Variants in CCSER1 observed in about 807,000 individuals in gnomAD.
CCSER1 encodes coiled-coil serine rich protein 1, also known as serine-rich coiled-coil domain-containing protein 1.
Under a neutral mutation model 82.0 loss-of-function variants are expected in CCSER1, and 41 were observed. The observed-to-expected ratio is 0.50, with a 90% CI of 0.39 to 0.65. CCSER1 has a LOEUF of 0.65. CCSER1 is among the 30% of genes least tolerant of loss of function. The pLI is 0.00. For missense variants in CCSER1, 1,119 were observed against 1,064.2 expected, an observed-to-expected ratio of 1.05 and a Z score of -0.72; for synonymous variants, 414 against 383.9, an observed-to-expected ratio of 1.08 and a Z score of -0.92.
chr4:91,184,249 C>A (rs1490116461), intron 10 of CCSER1, among the ~76,000 whole-genome samples: 1 of 152,200 alleles, frequency 6.6e-6, no homozygotes, highest in East Asian at 1.9e-4. Flanking sequence ...AATTGTGGGA[C>A]TGTTTAACAT....
At chr4:91,250,237 C>T (rs1020259212) in intron 10 of CCSER1, among the ~76,000 whole-genome samples, 4 of 151,672 alleles carry the variant, frequency 2.6e-5, no homozygotes, top group African/African-American at 9.7e-5. Flanking sequence ...AAAAAAAATG[C>T]AAATTTCTTT....
At chr4:90,931,471 T>G (rs1581123534) in intron 9 of CCSER1, among the ~76,000 whole-genome samples, 2 of 152,162 alleles carry the variant, frequency 1.3e-5, no homozygotes, top group East Asian at 3.8e-4. Context: ...GTATTCAAAT[T>G]AACTCTCAGA....
chr4:91,152,628 A>AT (rs1240536749), intron 10 of CCSER1, among the ~76,000 whole-genome samples: 1 of 152,220 alleles, frequency 6.6e-6, no homozygotes, highest in East Asian at 1.9e-4. Context: ...GGTCTTCACA[A>AT]TTTGGCATGT....
intron 5 of CCSER1, among the ~76,000 whole-genome samples, chr4:90,571,488 G>T (rs6816768): frequency 0.042 from 6,407 of 152,148 alleles, 335 homozygotes; most frequent in African/African-American, 0.12. Flanking sequence ...GAAGATTAAT[G>T]CAGAAACAGA....
Position 91,050,899 on chromosome 4 carries a change from A to G in CCSER1, c.2173-35051A>G, listed in dbSNP as rs559485249. On this transcript the variant is annotated intron_variant, in intron 9 of 10. Coordinates refer to ENST00000509176, the MANE Select transcript of CCSER1 (RefSeq NM_001145065.2). Reference sequence around the variant, plus strand: ...CGTTGAAAACAGACAAGAAATTTGGAATACCCTCTGTATTATTCTCATTTT... The same window carrying G: ...CGTTGAAAACAGACAAGAAATTTGGGATACCCTCTGTATTATTCTCATTTT... 3.9e-5 allele frequency among the ~76,000 whole-genome samples: 6 copies of G among 152,302 alleles called. No individual in the cohort carries two copies. In the East Asian group the frequency reaches 1.2e-3, roughly 29 times the overall value.
chr4:91,050,430 C>A (rs1189549322), intron 9 of CCSER1, among the ~76,000 whole-genome samples: 202 of 140,878 alleles, frequency 1.4e-3, no homozygotes, highest in Admixed American at 1.5e-3. Flanking sequence ...GACTCTGTCT[C>A]AAAAAAAAAA....
chr4:91,047,113 C>T (rs1187239583), intron 9 of CCSER1, among the ~76,000 whole-genome samples: 1 of 152,094 alleles, frequency 6.6e-6, no homozygotes, highest in East Asian at 1.9e-4. Context: ...GCAAGGAATG[C>T]TGGGAAATGG....
Position 91,298,270 on chromosome 4 carries a change from A to G in CCSER1, c.2217+212276A>G, listed in dbSNP as rs142694021. On this transcript the variant is annotated intron_variant, in intron 10 of 10. Transcript: ENST00000509176. The stretch of plus-strand genomic sequence containing the variant: ...GTGCTGCTGAATTGGAAATCAGGAC[A>G]CCTGTCATTGTTCATTCTTGCCACC... Among the ~76,000 whole-genome samples, 975 of 152,146 alleles carry G rather than the reference A, an allele frequency of 6.4e-3. 7 individuals are homozygous for G. Among genetic ancestry groups the G allele is most frequent in the Middle Eastern group, 0.014 (4 of 294 alleles).
chr4:91,598,439 G>A (rs1578892173), intron 10 of CCSER1, 133 bp from the exon 11 acceptor site: 3 of 906,472 alleles, frequency 3.3e-6, no homozygotes, highest in Non-Finnish European at 4.8e-6. Flanking sequence ...ATGGTTAATT[G>A]TATTGATAAT....
Position 90,740,646 on chromosome 4 carries a change from A to G in CCSER1, c.2010+16655A>G, listed in dbSNP as rs115430166. ...ATAAAGAACTTGTCAACATTAATACATACTAAAAATAATGGCATACCTCTT... is the reference window on the plus strand; with the variant it reads ...ATAAAGAACTTGTCAACATTAATACGTACTAAAAATAATGGCATACCTCTT... On this transcript the variant is annotated intron_variant, in intron 7 of 10. Coordinates refer to ENST00000509176, the MANE Select transcript of CCSER1 (RefSeq NM_001145065.2). Among the ~76,000 whole-genome samples, 1,474 of 152,304 alleles carry G rather than the reference A, an allele frequency of 9.7e-3. 26 individuals are homozygous for G. The highest frequency in any genetic ancestry group is 0.034 in the African/African-American group (1,406 of 41,570).
At position 91,598,668 on chromosome 4, in the gene CCSER1, G is replaced by A; in HGVS notation, c.2314G>A (p.Ala772Thr). Residue 772 changes from alanine to threonine, a missense_variant, in exon 11 of 11, where the codon GCG becomes ACG. By Grantham distance (58) the Ala-to-Thr change is moderately conservative. Transcript: ENST00000509176. ...PTEDRFRYSA[A>T]DQTSPYKNKT... ...CGAGGACCGTTTTAGGTATTCGGCA[G>A]CGGACCAGACAAGCCCCTACAAAAA... is the stretch of plus-strand genomic sequence containing the variant. The A allele has an allele frequency of 6.4e-7, 1 of 1,551,478 alleles. No individual in the cohort carries two copies.
intron 5 of CCSER1, among the ~76,000 whole-genome samples, chr4:90,605,740 AT>A: frequency 6.6e-6 from 1 of 152,194 alleles, no homozygotes; most frequent in East Asian, 1.9e-4. Context: ...AATGTAAATG[AT>A]TTTTTATAAT....
chr4:91,424,141 C>T (rs528128371), intron 10 of CCSER1, among the ~76,000 whole-genome samples: 5 of 150,802 alleles, frequency 3.3e-5, no homozygotes, highest in African/African-American at 1.2e-4. Context: ...CTCAGCCTCC[C>T]GAGTAGCTGG....
At chr4:90,922,149 A>G (rs1728478944) in intron 8 of CCSER1, among the ~76,000 whole-genome samples, 1 of 152,104 alleles carries the variant, frequency 6.6e-6, no homozygotes, top group Non-Finnish European at 1.5e-5. Context: ...ACTTTAATAG[A>G]ACATAAAATA....
intron 9 of CCSER1, among the ~76,000 whole-genome samples, chr4:91,066,971 C>T (rs62311029): frequency 0.024 from 3,594 of 152,104 alleles, 69 homozygotes; most frequent in Non-Finnish European, 0.038. Flanking sequence ...CAAAACCATC[C>T]TGGCTAACAC....
At chr4:90,546,158 A>G (rs1776722958) in intron 5 of CCSER1, among the ~76,000 whole-genome samples, 1 of 152,122 alleles carries the variant, frequency 6.6e-6, no homozygotes, top group Admixed American at 6.6e-5. Flanking sequence ...AGTGAAGCTC[A>G]TTGAAAGAGG....
chr4:90,484,193 G>A (rs540004650), intron 5 of CCSER1, among the ~76,000 whole-genome samples: 17 of 148,902 alleles, frequency 1.1e-4, no homozygotes, highest in South Asian at 4.2e-4. Context: ...CATTCATCAC[G>A]TAGTTCTCGT....
chr4:91,048,876 C>T (rs1742750961), intron 9 of CCSER1, among the ~76,000 whole-genome samples: 1 of 152,116 alleles, frequency 6.6e-6, no homozygotes, highest in African/African-American at 2.4e-5. Context: ...AAATAATGGG[C>T]TTCCTTATGA....
intron 10 of CCSER1, among the ~76,000 whole-genome samples, chr4:91,467,583 A>T (rs184314674): frequency 0.01 from 1,553 of 152,310 alleles, 11 homozygotes; most frequent in Middle Eastern, 0.021. Context: ...AATGGGAGAA[A>T]ATTTTTGCAA....
Sources: gnomAD v4.1 joint callset for allele counts (sites outside exome capture counted in the v4.1 genomes callset) on GRCh38, gnomAD v4.1.1 for gene constraint, MANE v1.5 for transcripts, NCBI Gene and HGNC (gene_info 2026-07-23, HGNC 2026-07-21) for gene names.